The following MAPK8 variants were observed in gnomAD, a reference collection of about 807,000 sequenced individuals.
MAPK8 encodes mitogen-activated protein kinase 8, also known as JUN N-terminal kinase.
In MAPK8, 13 loss-of-function variants were observed where a neutral mutation model predicts 52.9. The observed-to-expected ratio is 0.25, with a 90% CI of 0.16 to 0.39. MAPK8 has a LOEUF of 0.39. Ranked by LOEUF, MAPK8 falls within the 10% of genes least tolerant of loss-of-function variation. MAPK8 has a pLI of 1.00. For synonymous variants in MAPK8, 191 were observed against 169.8 expected, an observed-to-expected ratio of 1.12 and a Z score of -0.97; for missense variants, 300 against 519.2, an observed-to-expected ratio of 0.58 and a Z score of 4.10.
At chr10:48,334,867 A>G (rs567424347) in intron 1 of MAPK8, among the ~76,000 whole-genome samples, 1 of 152,238 alleles carries the variant, frequency 6.6e-6, no homozygotes, top group South Asian at 2.1e-4. Flanking sequence ...CAGGTAATTT[A>G]TCTCCTAGCA....
At chr10:48,415,953 C>G (rs139766179) in intron 5 of MAPK8, among the ~76,000 whole-genome samples, 210 of 152,244 alleles carry the variant, frequency 1.4e-3, no homozygotes, top group South Asian at 0.011. Flanking sequence ...CTACTGGGGT[C>G]TGTTATCTAT....
chr10:48,376,147 CT>C (rs2040648237), intron 1 of MAPK8, among the ~76,000 whole-genome samples: 1 of 152,154 alleles, frequency 6.6e-6, no homozygotes, highest in East Asian at 1.9e-4. Context: ...AAAGGATTCC[CT>C]GTTTAATAGA....
At position 48,369,425 on chromosome 10, in the gene MAPK8, G is replaced by A. The variant is rs1448154747; in HGVS notation, c.-49-32187G>A. Among the ~76,000 whole-genome samples the A allele has an allele frequency of 2.0e-5, 3 of 152,178 alleles. No individual in the cohort carries two copies. The East Asian group carries it at 5.8e-4, about 29-fold the overall frequency. On this transcript the variant is annotated intron_variant, in intron 1 of 11. Transcript: ENST00000374189. Reference sequence around the variant, plus strand: ...CTGAAGTAGCATCGCAGCAAATTTAGTGGGGATTGAAGACGAAGAATTTAT... The same window carrying A: ...CTGAAGTAGCATCGCAGCAAATTTAATGGGGATTGAAGACGAAGAATTTAT...
At chr10:48,416,601 A>T (rs979995001) in intron 5 of MAPK8, among the ~76,000 whole-genome samples, 3 of 152,220 alleles carry the variant, frequency 2.0e-5, no homozygotes, top group African/African-American at 7.2e-5. Context: ...TTATATGGCC[A>T]ACCCTATAAC....
chr10:48,348,497 C>T (rs1427346044), intron 1 of MAPK8, among the ~76,000 whole-genome samples: 1 of 152,170 alleles, frequency 6.6e-6, no homozygotes, highest in Admixed American at 6.5e-5. Context: ...CCTAGGTTTT[C>T]TTCTAGGATT....
chr10:48,405,399 T>C (rs2042411295), intron 3 of MAPK8, among the ~76,000 whole-genome samples: 1 of 152,172 alleles, frequency 6.6e-6, no homozygotes, highest in Non-Finnish European at 1.5e-5. Flanking sequence ...AAAATTTATA[T>C]CACTTCTCCC....
rs761645449 is a variant in MAPK8 at position 48,431,174 on chromosome 10, T to G, written c.1061-19T>G. 2.1e-5 allele frequency: 33 copies of G among 1,545,050 alleles called. No individual in the cohort carries two copies. The East Asian group carries it at 6.7e-4, about 32-fold the overall frequency. On this transcript the variant is annotated intron_variant, in intron 10 of 11. Coordinates refer to ENST00000374189, the MANE Select transcript of MAPK8 (RefSeq NM_001323329.2). ...CTCTTAGACTTTGAAAAGTTCATTTTTGTTTACTTCTTTTACAGAATTGAT... is the reference window on the plus strand; with the variant it reads ...CTCTTAGACTTTGAAAAGTTCATTTGTGTTTACTTCTTTTACAGAATTGAT...
At chr10:48,336,134 G>C (rs1368690525) in intron 1 of MAPK8, among the ~76,000 whole-genome samples, 1 of 151,974 alleles carries the variant, frequency 6.6e-6, no homozygotes, top group Non-Finnish European at 1.5e-5. Flanking sequence ...GAAATAGTAA[G>C]ATTGTTAAAT....
intron 1 of MAPK8, among the ~76,000 whole-genome samples, chr10:48,376,477 C>G (rs146629962): frequency 6.6e-6 from 1 of 152,100 alleles, no homozygotes; most frequent in South Asian, 2.1e-4. Context: ...TTTTTGCAAT[C>G]TATCCATCTG....
chr10:48,308,427 G>GGTCA (rs1841615447), intron 1 of MAPK8: 1 of 152,150 alleles, frequency 6.6e-6, no homozygotes, highest in African/African-American at 2.4e-5. Context: ...ATGGCTAAAT[G>GGTCA]GTCAGTTCAT....
At chr10:48,416,510 A>G (rs1175304267) in intron 5 of MAPK8, among the ~76,000 whole-genome samples, 3 of 152,104 alleles carry the variant, frequency 2.0e-5, no homozygotes, top group African/African-American at 4.8e-5. Flanking sequence ...AAATAACCCA[A>G]AGTTCTATTC....
chr10:48,404,993 T>G lies in MAPK8; in HGVS notation c.252+12T>G, dbSNP rs1385158634. On this transcript the variant is annotated intron_variant, in intron 3 of 11. Transcript: ENST00000374189. ...TTAATCACAAAAATGTAAGTGAACA[T>G]TTTTGGTTTCCTAAGTATAGATGAA... 1 of 1,589,036 alleles carries G rather than the reference T, an allele frequency of 6.3e-7. No individual in the cohort carries two copies.
intron 1 of MAPK8, among the ~76,000 whole-genome samples, chr10:48,387,776 T>C (rs1293480361): frequency 6.6e-6 from 1 of 152,158 alleles, no homozygotes; most frequent in African/African-American, 2.4e-5. Flanking sequence ...TTAAATAAAA[T>C]CATGGCCCTG....
intron 1 of MAPK8, among the ~76,000 whole-genome samples, chr10:48,312,605 A>G (rs561122401): frequency 6.6e-6 from 1 of 152,152 alleles, no homozygotes; most frequent in Admixed American, 6.5e-5. Context: ...AAAAATCACC[A>G]TTTTCTGACT....
intron 7 of MAPK8, 54 bp from the exon 8 acceptor site, chr10:48,425,834 A>AATATATT: frequency 1.0e-6 from 1 of 984,234 alleles, no homozygotes. Context: ...TATGAATATG[A>AATATATT]CTAATGTATT....
chr10:48,434,007 A>G (rs187950589), intron 11 of MAPK8, among the ~76,000 whole-genome samples: 45 of 152,336 alleles, frequency 3.0e-4, no homozygotes, highest in African/African-American at 1.1e-3. Context: ...AGCCTAGTGC[A>G]TGAGTTACCT....
At chr10:48,364,983 G>A (rs918337023) in intron 1 of MAPK8, among the ~76,000 whole-genome samples, 31 of 152,126 alleles carry the variant, frequency 2.0e-4, no homozygotes, top group African/African-American at 6.5e-4. Context: ...TATTTTTCAG[G>A]AATAATAACT....
rs1355844513 is a variant in MAPK8 at position 48,435,120 on chromosome 10, G to A, written c.*91G>A. ...AAACAATTCAGTGGTCTTATTTTTG[G>A]GTGATTTTTCAAAAAATGTAGAATT... is the stretch of plus-strand genomic sequence containing the variant. On this transcript the variant is annotated 3_prime_UTR_variant, in exon 12 of 12. Coordinates refer to ENST00000374189, the MANE Select transcript of MAPK8 (RefSeq NM_001323329.2). 7 of 1,029,380 alleles carry A rather than the reference G, an allele frequency of 6.8e-6. No homozygotes were observed. The highest frequency in any genetic ancestry group is 8.0e-6 in the Non-Finnish European group (6 of 754,104). The allele number at this position is 1,029,380 out of a possible 1,614,324, so 63.8% of individuals were successfully genotyped here.
intron 1 of MAPK8, among the ~76,000 whole-genome samples, chr10:48,310,793 G>A (rs1321294337): frequency 6.6e-6 from 1 of 151,966 alleles, no homozygotes; most frequent in Non-Finnish European, 1.5e-5. Flanking sequence ...AGACAGAGAG[G>A]AGACCCCTTT....
Sources: gnomAD v4.1 joint callset for allele counts (sites outside exome capture counted in the v4.1 genomes callset) on GRCh38, gnomAD v4.1.1 for gene constraint, MANE v1.5 for transcripts, NCBI Gene and HGNC (gene_info 2026-07-23, HGNC 2026-07-21) for gene names.